The following NPFFR2 variants were observed in gnomAD, a reference collection of about 807,000 sequenced individuals.
NPFFR2 encodes neuropeptide FF receptor 2.
In NPFFR2, 15 loss-of-function variants were observed where a neutral mutation model predicts 13.1. The ratio of observed to expected loss-of-function variants is 1.15; its 90% CI spans 0.77 to 1.76. The LOEUF is 1.76. NPFFR2 is among the 40% of genes most tolerant of loss of function. The pLI is 0.00. For synonymous variants in NPFFR2, 190 were observed against 175.7 expected (o/e 1.08, Z -0.65); for missense variants, 572 against 503.5 (o/e 1.14, Z -1.30).
chr4:72,063,550 AAGCAG>A, intron 1 of NPFFR2, among the ~76,000 whole-genome samples: 1 of 152,244 alleles, frequency 6.6e-6, no homozygotes, highest in East Asian at 1.9e-4. Context: ...TATGAGTAGA[AAGCAG>A]AGCAAGGTTT....
At chr4:72,047,763 G>A (rs537141295) in intron 1 of NPFFR2, among the ~76,000 whole-genome samples, 4 of 152,286 alleles carry the variant, frequency 2.6e-5, no homozygotes, top group South Asian at 2.1e-4. Context: ...GTTAATAATA[G>A]TTGGGTCTTA....
chr4:72,099,357 A>G (rs898854359), intron 1 of NPFFR2, among the ~76,000 whole-genome samples: 13 of 152,158 alleles, frequency 8.5e-5, no homozygotes, highest in African/African-American at 2.2e-4. Context: ...GGTGACACCA[A>G]TAGAACCATG....
intron 1 of NPFFR2, among the ~76,000 whole-genome samples, chr4:72,058,939 A>G (rs1719840211): frequency 6.6e-6 from 1 of 152,092 alleles, no homozygotes; most frequent in South Asian, 2.1e-4. Flanking sequence ...GTTACAAAAT[A>G]TTGTTCACAT....
At chr4:72,084,370 A>C (rs1578444529) in intron 1 of NPFFR2, among the ~76,000 whole-genome samples, 1 of 152,288 alleles carries the variant, frequency 6.6e-6, no homozygotes, top group African/African-American at 2.4e-5. Context: ...AAAGGTAGAT[A>C]TGTGAAACTT....
intron 1 of NPFFR2, among the ~76,000 whole-genome samples, chr4:72,121,036 C>T (rs1417409042): frequency 6.6e-6 from 1 of 151,914 alleles, no homozygotes; most frequent in African/African-American, 2.4e-5. Flanking sequence ...CTAGAATAAC[C>T]AGTTTAGAGA....
intron 1 of NPFFR2, among the ~76,000 whole-genome samples, chr4:72,041,832 T>A (rs2109755958): frequency 6.6e-6 from 1 of 152,324 alleles, no homozygotes; most frequent in South Asian, 2.1e-4. Context: ...TGTTCACTTT[T>A]TAATGGAGTT....
At chr4:72,099,436 T>C (rs544183307) in intron 1 of NPFFR2, among the ~76,000 whole-genome samples, 1 of 152,280 alleles carries the variant, frequency 6.6e-6, no homozygotes, top group Non-Finnish European at 1.5e-5. Flanking sequence ...AAAAAAGATT[T>C]AATTGGCTCA....
intron 1 of NPFFR2, among the ~76,000 whole-genome samples, chr4:72,085,513 A>G (rs1720742946): frequency 6.6e-6 from 1 of 152,142 alleles, no homozygotes; most frequent in African/African-American, 2.4e-5. Flanking sequence ...AACTAAATGT[A>G]TGCCATGTTG....
intron 1 of NPFFR2, among the ~76,000 whole-genome samples, chr4:72,069,908 A>C (rs1455411248): frequency 2.6e-5 from 4 of 152,162 alleles, no homozygotes; most frequent in African/African-American, 9.7e-5. Context: ...ATAATAGCCG[A>C]CATTTATAAT....
intron 1 of NPFFR2, among the ~76,000 whole-genome samples, chr4:72,084,960 G>C (rs751215616): frequency 4.6e-5 from 7 of 151,900 alleles, no homozygotes; most frequent in Non-Finnish European, 7.4e-5. Flanking sequence ...TGGCATCCAA[G>C]TCCTTGTTTT....
chr4:72,040,735 T>G (rs1223245037), intron 1 of NPFFR2, among the ~76,000 whole-genome samples: 2 of 151,958 alleles, frequency 1.3e-5, no homozygotes, highest in African/African-American at 4.8e-5. Flanking sequence ...TATATTAAAT[T>G]GATATGTTAA....
intron 1 of NPFFR2, among the ~76,000 whole-genome samples, chr4:72,065,719 T>C (rs930402784): frequency 6.6e-6 from 1 of 152,270 alleles, no homozygotes; most frequent in South Asian, 2.1e-4. Context: ...AACTACACAG[T>C]TGGAATTGGA....
chr4:72,076,915 T>C (rs957495810), intron 1 of NPFFR2, among the ~76,000 whole-genome samples: 1 of 152,188 alleles, frequency 6.6e-6, no homozygotes, highest in African/African-American at 2.4e-5. Flanking sequence ...TCTAAGTGCT[T>C]ATTCAATGTT....
At chr4:72,107,332 A>G (rs558347577) in intron 1 of NPFFR2, among the ~76,000 whole-genome samples, 44 of 150,664 alleles carry the variant, frequency 2.9e-4, no homozygotes, top group African/African-American at 1.0e-3. Context: ...CCTTGGCCAT[A>G]TTCACCTCAC....
At chr4:72,118,877 CA>C (rs1721787704) in intron 1 of NPFFR2, among the ~76,000 whole-genome samples, 1 of 151,698 alleles carries the variant, frequency 6.6e-6, no homozygotes, top group African/African-American at 2.4e-5. Flanking sequence ...CAAAAATCTT[CA>C]ACAGAAAAAT....
intron 1 of NPFFR2, among the ~76,000 whole-genome samples, chr4:72,080,941 G>A (rs760699688): frequency 3.9e-5 from 6 of 151,976 alleles, no homozygotes; most frequent in Non-Finnish European, 7.4e-5. Context: ...GATAACAGAG[G>A]CCACACTGAG....
intron 1 of NPFFR2, among the ~76,000 whole-genome samples, chr4:72,072,684 A>G (rs1021695447): frequency 3.9e-5 from 6 of 152,170 alleles, no homozygotes; most frequent in Non-Finnish European, 8.8e-5. Context: ...CTTTTCAAAT[A>G]TAATGAAAGA....
rs150557185 is a variant in NPFFR2 at position 72,147,747 on chromosome 4, G to A, written c.1198G>A (p.Glu400Lys). Residue 400 changes from glutamate to lysine, a missense_variant, in exon 4 of 4, where the codon GAA (glutamate) becomes AAA (lysine). Transcript: ENST00000308744. ...GETLLYRKSA[E>K]KPQQELVMEE... ...AACCTTGCTTTATAGGAAAAGTGCT[G>A]AAAAACCCCAACAGGAATTAGTGAT... 1.3e-6 allele frequency: 2 copies of A among 1,599,340 alleles called. No individual in the cohort carries two copies. The highest frequency in any genetic ancestry group is 2.7e-5 in the African/African-American group (2 of 73,694).
chr4:72,070,573 TGG>T (rs1720221929), intron 1 of NPFFR2, among the ~76,000 whole-genome samples: 2 of 5,628 alleles, frequency 3.6e-4, no homozygotes, highest in African/African-American at 3.1e-4. Context: ...GGGGGGGGGG[TGG>T]GGCTCTGGTG....
Sources: allele counts gnomAD v4.1 joint callset (sites outside exome capture counted in the v4.1 genomes callset), GRCh38; gene constraint gnomAD v4.1.1; transcripts MANE v1.5; gene names NCBI Gene and HGNC (gene_info 2026-07-23, HGNC 2026-07-21).